The following GPC6 variants were observed in gnomAD, a reference collection of about 807,000 sequenced individuals.
GPC6 encodes the protein glypican-6.
Under a neutral mutation model 55.2 loss-of-function variants are expected in GPC6, and 14 were observed. The observed-to-expected ratio is 0.25, with a 90% CI of 0.17 to 0.40. The LOEUF (loss-of-function observed/expected upper bound fraction) is 0.40, where lower values mean the gene tolerates loss of function less well. GPC6 is among the 10% of genes least tolerant of loss of function. The probability of loss-of-function intolerance (pLI) is 1.00; values close to 1 mark genes in which losing one functional copy is unlikely to be tolerated. For synonymous variants in GPC6, 278 were observed against 259.6 expected (o/e 1.07, Z -0.68); for missense variants, 641 against 708.5 (o/e 0.90, Z 1.08).
chr13:93,295,486 G>GT (rs1342581128), intron 1 of GPC6, among the ~76,000 whole-genome samples: 4 of 151,732 alleles, frequency 2.6e-5, no homozygotes, highest in Non-Finnish European at 4.4e-5. Context: ...GTTTTGTTTT[G>GT]TTTTTTGTTT....
chr13:93,387,468 T>G (rs1432757270), intron 1 of GPC6, among the ~76,000 whole-genome samples: 8 of 152,216 alleles, frequency 5.3e-5, no homozygotes, highest in Admixed American at 6.5e-5. Context: ...GAATGATGGC[T>G]TCCAACTTCA....
At chr13:93,430,559 A>G (rs773937420) in intron 1 of GPC6, among the ~76,000 whole-genome samples, 4 of 152,134 alleles carry the variant, frequency 2.6e-5, no homozygotes, top group Non-Finnish European at 5.9e-5. Flanking sequence ...AGGCAGATTG[A>G]ACAACTTGTA....
intron 1 of GPC6, among the ~76,000 whole-genome samples, chr13:93,331,802 C>T (rs1167993197): frequency 6.6e-6 from 1 of 152,022 alleles, no homozygotes; most frequent in African/African-American, 2.4e-5. Flanking sequence ...AACACTAGAA[C>T]TTATTCATTC....
In GPC6 at chr13:94,403,507, T is replaced by C; in HGVS notation, c.*290T>C. The C allele has an allele frequency of 2.3e-6, 1 of 432,244 alleles. No individual in the cohort carries two copies. The highest frequency in any genetic ancestry group is 2.3e-5 in the South Asian group (1 of 44,100). The allele number at this position is 432,244 out of a possible 1,614,324, so 26.8% of individuals were successfully genotyped here. A position where few individuals can be genotyped will look rare whatever the true frequency, so the allele number is the denominator to read the frequency against. ...ATTTTCTTACCTTCATTTGCTTTTA[T>C]GCTGCAGAAGTAAAGGAATCTCACG... On this transcript the variant is annotated 3_prime_UTR_variant, in exon 9 of 9. Coordinates refer to ENST00000377047, the MANE Select transcript of GPC6 (RefSeq NM_005708.5).
At chr13:93,377,012 A>G (rs551573670) in intron 1 of GPC6, among the ~76,000 whole-genome samples, 1 of 152,242 alleles carries the variant, frequency 6.6e-6, no homozygotes, top group East Asian at 1.9e-4. Flanking sequence ...ATGTTCTGAA[A>G]TCTTGCCTTC....
intron 4 of GPC6, among the ~76,000 whole-genome samples, chr13:94,166,896 A>G (rs561769809): frequency 2.6e-5 from 4 of 152,330 alleles, no homozygotes; most frequent in African/African-American, 9.6e-5. Context: ...TGAATTACCT[A>G]CAATGATCAA....
At chr13:93,750,055 A>C (rs1884524989) in intron 2 of GPC6, among the ~76,000 whole-genome samples, 1 of 152,220 alleles carries the variant, frequency 6.6e-6, no homozygotes, top group African/African-American at 2.4e-5. Flanking sequence ...ATTTAAGCCT[A>C]ATAAATGACA....
At chr13:93,623,450 C>CTTTTTTT (rs1262712004) in intron 2 of GPC6, among the ~76,000 whole-genome samples, 15 of 66,246 alleles carry the variant, frequency 2.3e-4, no homozygotes, top group African/African-American at 6.0e-4. Context: ...CTTTTCTTTT[C>CTTTTTTT]TTTTCTTTTT....
intron 2 of GPC6, among the ~76,000 whole-genome samples, chr13:93,757,114 C>T (rs1884797495): frequency 6.6e-6 from 1 of 152,146 alleles, no homozygotes. Flanking sequence ...AATAATTCCC[C>T]ACATGGAAAT....
intron 4 of GPC6, among the ~76,000 whole-genome samples, chr13:94,272,614 G>A (rs1338195977): frequency 8.6e-5 from 13 of 151,332 alleles, no homozygotes; most frequent in East Asian, 1.9e-4. Flanking sequence ...GACCACAGGC[G>A]CCCGCCACCA....
intron 4 of GPC6, among the ~76,000 whole-genome samples, chr13:94,126,993 A>G (rs1303619945): frequency 1.3e-5 from 2 of 152,138 alleles, no homozygotes; most frequent in African/African-American, 4.8e-5. Flanking sequence ...TTAAATCCTA[A>G]AATTATATTA....
intron 1 of GPC6, among the ~76,000 whole-genome samples, chr13:93,295,541 C>T (rs889744045): frequency 6.6e-6 from 1 of 151,680 alleles, no homozygotes; most frequent in Non-Finnish European, 1.5e-5. Context: ...AGTGCAGTGG[C>T]GCGATCTCGG....
At chr13:94,311,102 T>C (rs1224696035) in intron 6 of GPC6, among the ~76,000 whole-genome samples, 1 of 152,196 alleles carries the variant, frequency 6.6e-6, no homozygotes, top group East Asian at 1.9e-4. Flanking sequence ...ACTTGAAAGA[T>C]TACCCCCAAT....
Position 94,233,654 on chromosome 13 carries a change from G to A in GPC6, c.878-52695G>A, listed in dbSNP as rs138786318. On this transcript the variant is annotated intron_variant, in intron 4 of 8. Transcript: ENST00000377047. The stretch of plus-strand genomic sequence containing the variant: ...CCCTGGTGTGAGTCACTTGGTAGCC[G>A]CCTTGATTTTCAGATTCGTTGTTTT... Among the ~76,000 whole-genome samples the A allele has an allele frequency of 5.9e-5, 9 of 152,146 alleles. No homozygotes were observed. The East Asian group carries it at 1.2e-3, about 20-fold the overall frequency.
intron 2 of GPC6, among the ~76,000 whole-genome samples, chr13:93,581,074 G>A (rs1022890470): frequency 7.9e-5 from 12 of 151,922 alleles, no homozygotes; most frequent in African/African-American, 2.9e-4. Context: ...AAATATAACC[G>A]CTTTTTAAAG....
At chr13:93,693,071 G>C (rs1174042464) in intron 2 of GPC6, among the ~76,000 whole-genome samples, 1 of 152,088 alleles carries the variant, frequency 6.6e-6, no homozygotes, top group Non-Finnish European at 1.5e-5. Flanking sequence ...GCAAGATAGA[G>C]GAGAGGAAAT....
At chr13:93,550,708 C>T (rs1375931460) in intron 2 of GPC6, among the ~76,000 whole-genome samples, 1 of 151,882 alleles carries the variant, frequency 6.6e-6, no homozygotes, top group African/African-American at 2.4e-5. Context: ...AGAGAATACA[C>T]TTATTTGAAA....
rs570374810 is a variant in GPC6 at position 94,227,526 on chromosome 13, G to A, written c.878-58823G>A. 7.2e-5 allele frequency among the ~76,000 whole-genome samples: 11 copies of A among 152,264 alleles called. No individual in the cohort carries two copies. The South Asian group carries it at 1.0e-3, about 14-fold the overall frequency. The stretch of plus-strand genomic sequence containing the variant: ...GCACAAAGTTGCCATACAGGCCAGT[G>A]GGGGAGTAAGCTAATGACTCAAGAA... On this transcript the variant is annotated intron_variant, in intron 4 of 8. Transcript: ENST00000377047.
chr13:93,755,618 G>A (rs1471092668), intron 2 of GPC6, among the ~76,000 whole-genome samples: 3 of 152,084 alleles, frequency 2.0e-5, no homozygotes, highest in Non-Finnish European at 4.4e-5. Flanking sequence ...GTTTTAGAAC[G>A]TTGGGCATTT....
Sources: gnomAD v4.1 joint callset for allele counts (sites outside exome capture counted in the v4.1 genomes callset) on GRCh38, gnomAD v4.1.1 for gene constraint, MANE v1.5 for transcripts, NCBI Gene and HGNC (gene_info 2026-07-23, HGNC 2026-07-21) for gene names.